SETD2: variants seen among roughly 807,000 people sequenced by gnomAD.
SETD2 encodes SET domain containing 2, histone lysine methyltransferase.
Under a neutral mutation model 242.1 loss-of-function variants are expected in SETD2, and 31 were observed. The observed-to-expected ratio is 0.13, with a 90% CI of 0.10 to 0.17. SETD2 has a LOEUF of 0.17. SETD2 is among the 10% of genes least tolerant of loss of function. The probability of loss-of-function intolerance (pLI) is 1.00; values close to 1 mark genes in which losing one functional copy is unlikely to be tolerated. For missense variants in SETD2, 2,481 were observed against 3,046.3 expected (o/e 0.81, Z 4.37); for synonymous variants, 1,006 against 1,066.5 (o/e 0.94, Z 1.11).
intron 1 of SETD2, among the ~76,000 whole-genome samples, chr3:47,139,521 C>T (rs916211931): frequency 1.3e-5 from 2 of 152,144 alleles, no homozygotes; most frequent in Admixed American, 1.3e-4. Flanking sequence ...CTAACATTCC[C>T]GTTCCTATCA....
At chr3:47,137,680 CATT>C (rs2043620368) in intron 1 of SETD2, among the ~76,000 whole-genome samples, 1 of 152,018 alleles carries the variant, frequency 6.6e-6, no homozygotes, top group Admixed American at 6.6e-5. Context: ...AAATATCTGA[CATT>C]ATTATAAATT....
chr3:47,093,508 T>C (rs952694691), intron 9 of SETD2, among the ~76,000 whole-genome samples: 1 of 152,104 alleles, frequency 6.6e-6, no homozygotes, highest in African/African-American at 2.4e-5. Flanking sequence ...GGTCTCGAAC[T>C]CCTGACCTCA....
chr3:47,160,342 C>A (rs1339573452), intron 1 of SETD2, among the ~76,000 whole-genome samples: 1 of 151,926 alleles, frequency 6.6e-6, no homozygotes, highest in Non-Finnish European at 1.5e-5. Context: ...CCTTCTGTCC[C>A]CCAGGCTGGA....
At position 47,032,981 on chromosome 3, in the gene SETD2, T is replaced by C. The variant is rs79978954; in HGVS notation, c.7350+4685A>G. Among the ~76,000 whole-genome samples, 288 of 152,252 alleles carry C rather than the reference T, an allele frequency of 1.9e-3. 2 individuals carry two copies. The highest frequency in any genetic ancestry group is 6.6e-3 in the African/African-American group (276 of 41,548). ...ACAAGTACTTGTCAATTCCTTTATTTACAGTATCATTTCTGAATTTTAGGG... is the reference window on the plus strand; with the variant it reads ...ACAAGTACTTGTCAATTCCTTTATTCACAGTATCATTTCTGAATTTTAGGG... On this transcript the variant is annotated intron_variant, in intron 18 of 20. Coordinates refer to ENST00000409792, the MANE Select transcript of SETD2 (RefSeq NM_014159.7).
intron 17 of SETD2, among the ~76,000 whole-genome samples, chr3:47,039,735 G>A (rs570654898): frequency 2.2e-5 from 3 of 139,298 alleles, no homozygotes; most frequent in Admixed American, 7.1e-5. Flanking sequence ...AAAAAAATTA[G>A]TTGGGCATGG....
Position 47,123,651 on chromosome 3 carries a change from G to T in SETD2, c.985C>A (p.Arg329=), listed in dbSNP as rs372869995. 231 of 1,550,432 alleles carry T rather than the reference G, an allele frequency of 1.5e-4. 1 individual carries two copies. In the African/African-American group the frequency reaches 2.9e-3, roughly 20 times the overall value. ...TGTGATCTTTGACTTGAAGAAGTCC[G>T]TACAGAATCTTCATCAGATTCTGAA... ...LGSESDEDSV[R]TSSSQRSHDL... is the part of the protein sequence containing the mutation. Residue 329 remains arginine, a synonymous_variant, in exon 3 of 21, where the codon CGG becomes AGG. Transcript: ENST00000409792.
intron 7 of SETD2, 72 bp downstream of exon 7, chr3:47,103,274 G>A (rs2042285446): frequency 2.1e-6 from 2 of 960,040 alleles, no homozygotes; most frequent in South Asian, 2.7e-5. Context: ...CCTTAGATAT[G>A]GGATCTAAAA....
At chr3:47,139,447 T>A (rs1285689260) in intron 1 of SETD2, among the ~76,000 whole-genome samples, 1 of 152,214 alleles carries the variant, frequency 6.6e-6, no homozygotes, top group Non-Finnish European at 1.5e-5. Flanking sequence ...TCTCCCCATA[T>A]AGAGTTTAAA....
chr3:47,104,901 G>T (rs1230120108), intron 6 of SETD2, among the ~76,000 whole-genome samples: 2 of 152,098 alleles, frequency 1.3e-5, no homozygotes, highest in Non-Finnish European at 2.9e-5. Flanking sequence ...TGGAGCAGCT[G>T]TAACTAGATG....
intron 12 of SETD2, among the ~76,000 whole-genome samples, chr3:47,078,152 T>C (rs2041172437): frequency 1.3e-5 from 2 of 152,218 alleles, no homozygotes; most frequent in Admixed American, 1.3e-4. Flanking sequence ...TATTTACATA[T>C]TTCCAAAGTT....
chr3:47,052,874 A>G (rs960438766), intron 15 of SETD2, among the ~76,000 whole-genome samples: 6 of 151,936 alleles, frequency 3.9e-5, no homozygotes, highest in African/African-American at 1.5e-4. Flanking sequence ...ACCCACTAGA[A>G]GTATCTTTAA....
In SETD2 at chr3:47,099,263, ACT is replaced by A. The variant is rs377340132; in HGVS notation, c.5016-1184_5016-1183del. Among the ~76,000 whole-genome samples, 187 of 152,202 alleles carry A rather than the reference ACT, an allele frequency of 1.2e-3. 4 individuals are homozygous for A. In the South Asian group the frequency reaches 0.036, roughly 29 times the overall value. On this transcript the variant is annotated intron_variant, in intron 8 of 20. Coordinates refer to ENST00000409792, the MANE Select transcript of SETD2 (RefSeq NM_014159.7). ...TTAAAAGAATTAAAATATTCAGGAA[ACT>A]CTGCAGCTGTGTGCTTTTCTAGCAT...
At chr3:47,157,248 G>A (rs544502218) in intron 1 of SETD2, among the ~76,000 whole-genome samples, 7 of 151,894 alleles carry the variant, frequency 4.6e-5, no homozygotes, top group African/African-American at 1.2e-4. Context: ...GGGCAAGAGC[G>A]AAACCCTGTC....
intron 5 of SETD2, among the ~76,000 whole-genome samples, chr3:47,106,459 C>G (rs1301092646): frequency 5.3e-5 from 4 of 75,602 alleles, no homozygotes; most frequent in Non-Finnish European, 1.0e-4. Context: ...CTGAAGAAAT[C>G]AAGAGACACT....
chr3:47,042,919 A>G (rs537501130), intron 16 of SETD2, among the ~76,000 whole-genome samples: 36 of 152,226 alleles, frequency 2.4e-4, no homozygotes, highest in Admixed American at 9.2e-4. Flanking sequence ...ACCATCCAAG[A>G]TACCATATAG....
chr3:47,062,885 G>C lies in SETD2; in HGVS notation c.6110-539C>G, dbSNP rs149910097. 9.8e-3 allele frequency among the ~76,000 whole-genome samples: 1,497 copies of C among 152,226 alleles called. 29 individuals carry two copies. Among genetic ancestry groups the C allele is most frequent in the African/African-American group, 0.035 (1,443 of 41,514 alleles). On this transcript the variant is annotated intron_variant, in intron 13 of 20. Transcript: ENST00000409792. ...TTAAGCCCAGGAGTTCAAGGCAGCA[G>C]TGAGCTATGATTGCACCACTGCAGT...
At chr3:47,129,362 C>G (rs142316948) in intron 1 of SETD2, among the ~76,000 whole-genome samples, 36 of 152,320 alleles carry the variant, frequency 2.4e-4, no homozygotes, top group African/African-American at 8.2e-4. Flanking sequence ...ATCCAACTTT[C>G]CAGAGACAAC....
chr3:47,024,265 G>A (rs1575651514), intron 18 of SETD2, among the ~76,000 whole-genome samples: 3 of 152,330 alleles, frequency 2.0e-5, no homozygotes, highest in East Asian at 3.9e-4. Flanking sequence ...GAGGTCAGGA[G>A]ATCGAGACCA....
chr3:47,055,512 G>T (rs1181629629), intron 15 of SETD2, among the ~76,000 whole-genome samples: 1 of 150,686 alleles, frequency 6.6e-6, no homozygotes, highest in Admixed American at 6.6e-5. Flanking sequence ...TTCAAGACCA[G>T]CCTGGGCAAC....
Sources: allele counts gnomAD v4.1 joint callset (sites outside exome capture counted in the v4.1 genomes callset), GRCh38; gene constraint gnomAD v4.1.1; transcripts MANE v1.5; gene names NCBI Gene and HGNC (gene_info 2026-07-23, HGNC 2026-07-21).